Variants in LHB observed in about 807,000 individuals in gnomAD.
LHB encodes lutropin subunit beta.
In LHB, 11 loss-of-function variants were observed where a neutral mutation model predicts 10.6. The ratio of observed to expected loss-of-function variants is 1.04; its 90% CI spans 0.66 to 1.72. The LOEUF is 1.72. LHB is among the 40% of genes most tolerant of loss of function. The probability of loss-of-function intolerance (pLI) is 0.00; values close to 1 mark genes in which losing one functional copy is unlikely to be tolerated. For synonymous variants in LHB, 86 were observed against 83.1 expected (o/e 1.03, Z -0.19); for missense variants, 184 against 197.3 (o/e 0.93, Z 0.41).
At chr19:49,016,335 T>A (rs2039552214) in intron 2 of LHB, 25 bp from the exon 3 acceptor site, 2 of 1,608,502 alleles carry the variant, frequency 1.2e-6, no homozygotes, top group Non-Finnish European at 1.7e-6. Context: ...AGTGGGGGAA[T>A]GAGCATGTGC....
chr19:49,017,784 G>T, upstream of LHB: 1 of 403,560 alleles, frequency 2.5e-6, no homozygotes, highest in Non-Finnish European at 4.3e-6. Context: ...TCTGGACTTA[G>T]TCCCCTCTCC....
chr19:49,019,276 A>T, upstream of LHB: 1 of 1,255,590 alleles, frequency 8.0e-7, no homozygotes, highest in South Asian at 2.3e-5. Context: ...CAGCCACCAA[A>T]AACAACCTCC....
At chr19:49,017,035 G>A (rs1248748952) in intron 1 of LHB, 32 bp downstream of exon 1, 5 of 1,613,384 alleles carry the variant, frequency 3.1e-6, no homozygotes, top group African/African-American at 2.7e-5. Context: ...CTGGAAGGAG[G>A]TGGAAGGTGC....
At position 49,016,305 on chromosome 19, in the gene LHB, G is replaced by C. The variant is rs149516688; in HGVS notation, c.189C>G (p.Arg63=). ...GGGGCGGCAGGACCGCCTGCAGCACGCGCATCTGGAGGCCGTGTGAGTGGG... is the reference window on the plus strand; with the variant it reads ...GGGGCGGCAGGACCGCCTGCAGCACCCGCATCTGGAGGCCGTGTGAGTGGG... ...ICAGYCPTMM[R]VLQAVLPPLP... is the part of the protein sequence containing the mutation. Residue 63 remains arginine (R), a synonymous_variant, in exon 3 of 3, where the codon CGC becomes CGG. Transcript: ENST00000649238. 9.5e-4 allele frequency: 1,524 copies of C among 1,610,844 alleles called. 11 individuals are homozygous for C. The African/African-American group carries it at 0.017, about 18-fold the overall frequency.
At chr19:49,017,840 G>C (rs2039584169), upstream of LHB, 2 of 398,594 alleles carry the variant, frequency 5.0e-6, no homozygotes, top group Non-Finnish European at 8.8e-6. Context: ...CCGCCCCCAC[G>C]TTGCCAATAG....
At chr19:49,017,351 TG>T, upstream of LHB, 1 of 1,050,512 alleles carries the variant, frequency 9.5e-7, no homozygotes. Context: ...TAGTCGAGCC[TG>T]GAGGCACAGG....
Position 49,016,079 on chromosome 19 carries a change from G to A in LHB, c.415C>T (p.Leu139Phe), listed in dbSNP as rs150244609. 586 of 1,612,978 alleles carry A rather than the reference G, an allele frequency of 3.6e-4. 5 individuals are homozygous for A. The highest frequency in any genetic ancestry group is 1.8e-4 in the Middle Eastern group (1 of 5,452). The change falls in exon 3 of 3, where the codon CTC (leucine) becomes TTC (phenylalanine). Residue 139 changes from leucine to phenylalanine, a missense_variant. By Grantham distance (22) the Leu-to-Phe change is conservative. Transcript: ENST00000649238. The part of the protein sequence containing the change: ...TCDHPQLSGL[L>F]FL ...TGCGGGGAGGGTCTTTAGAGGAAGA[G>A]GAGGCCTGAGAGTTGGGGGTGGTCA...
At chr19:49,019,087 T>C, upstream of LHB, 1 of 1,445,430 alleles carries the variant, frequency 6.9e-7, no homozygotes, top group Non-Finnish European at 9.1e-7. Flanking sequence ...AGAATCCCTC[T>C]CCTTCGGCCT....
Position 49,016,196 on chromosome 19 carries a change from C to A in LHB, c.298G>T (p.Val100Phe), listed in dbSNP as rs1157156190. The change falls in exon 3 of 3, where the codon GTC becomes TTC. Residue 100 changes from valine to phenylalanine, a missense_variant. Val to Phe is a conservative substitution (Grantham distance 50). Transcript: ENST00000649238. ...CAGCTGAGAGCCACAGGGAAGGAGA[C>A]CACGGGGTCCACACCACGCGGGCAG... is the stretch of plus-strand genomic sequence containing the variant. ...PGCPRGVDPVVSFPVALSCRC... is the reference protein window; with the variant it reads ...PGCPRGVDPVFSFPVALSCRC... 1 of 1,612,530 alleles carries A rather than the reference C, an allele frequency of 6.2e-7. No individual in the cohort carries two copies. The highest frequency in any genetic ancestry group is 1.3e-5 in the African/African-American group (1 of 74,882).
chr19:49,018,460 G>T, upstream of LHB: 1 of 574,076 alleles, frequency 1.7e-6, no homozygotes, highest in East Asian at 3.5e-5. Context: ...GCACCCCTTA[G>T]GAAGGACGCG....
chr19:49,019,296 C>T, upstream of LHB: 1 of 1,210,772 alleles, frequency 8.3e-7, no homozygotes, highest in Non-Finnish European at 1.0e-6. Flanking sequence ...CCTGGTTCCG[C>T]TCTGTCTTAA....
At chr19:49,018,197 G>T, upstream of LHB, 1 of 467,724 alleles carries the variant, frequency 2.1e-6, no homozygotes, top group Non-Finnish European at 3.5e-6. Flanking sequence ...GCTGACGCGC[G>T]GCACGCGGAC....
rs548937078 is a variant in LHB at position 49,016,485 on chromosome 19, C to T, written c.183+62G>A. The T allele has an allele frequency of 7.9e-4, 1,267 of 1,603,850 alleles. 10 individuals carry two copies. In the African/African-American group the frequency reaches 0.015, roughly 19 times the overall value. ...GAGAGGCAGACCACCCTTCCTCCCC[C>T]GCTGCCTCTGTGGGTCTGGCCCTGA... is the stretch of plus-strand genomic sequence containing the variant. On this transcript the variant is annotated intron_variant, in intron 2 of 2. Coordinates refer to ENST00000649238, the MANE Select transcript of LHB (RefSeq NM_000894.3).
chr19:49,018,348 A>C (rs367600556), upstream of LHB: 81 of 1,218,548 alleles, frequency 6.6e-5, 2 homozygotes, highest in South Asian at 1.2e-3. Context: ...GTCCTGTGGG[A>C]GCAGGGCGGG....
At chr19:49,016,453 C>T in intron 2 of LHB, 94 bp downstream of exon 2, 3 of 1,602,856 alleles carry the variant, frequency 1.9e-6, no homozygotes, top group Non-Finnish European at 1.7e-6. Context: ...TCCCCAACCG[C>T]AGGCCAGAGA....
upstream of LHB, chr19:49,018,753 C>T (rs2039595671): frequency 3.5e-6 from 3 of 861,902 alleles, no homozygotes; most frequent in South Asian, 4.9e-5. Flanking sequence ...GTTCTTGCTG[C>T]TACAGAAGTC....
At chr19:49,018,788 A>T, upstream of LHB, 1 of 1,185,704 alleles carries the variant, frequency 8.4e-7, no homozygotes, top group Non-Finnish European at 1.2e-6. Flanking sequence ...CGGCTCAGGG[A>T]ATGGGAGCCA....
At chr19:49,018,249 G>A, upstream of LHB, 3 of 891,894 alleles carry the variant, frequency 3.4e-6, no homozygotes, top group African/African-American at 3.5e-5. Flanking sequence ...GGACAGGGCG[G>A]CCGCTGCGGG....
chr19:49,017,156 T>G (rs1600206327), upstream of LHB: 1 of 1,606,144 alleles, frequency 6.2e-7, no homozygotes, highest in Non-Finnish European at 8.5e-7. Context: ...CACCAGGAGG[T>G]GATAGGATGC....
Sources: allele counts gnomAD v4.1 joint callset, GRCh38; gene constraint gnomAD v4.1.1; transcripts MANE v1.5; gene names NCBI Gene and HGNC (gene_info 2026-07-23, HGNC 2026-07-21).